The following DRC4 variants were observed in gnomAD, a reference collection of about 807,000 sequenced individuals.
DRC4 encodes dynein regulatory complex subunit 4, also known as GAS-11.
the DRC4 span, chr16:90,036,506 C>T: frequency 1.9e-6 from 3 of 1,613,772 alleles, no homozygotes; most frequent in Non-Finnish European, 2.5e-6. Flanking sequence ...GATGCAGCGC[C>T]ACGAGGAGGC....
At chr16:90,037,247 A>G in the DRC4 span, 3 of 1,611,608 alleles carry the variant, frequency 1.9e-6, no homozygotes, top group Non-Finnish European at 2.5e-6. Context: ...GATGGAGGAC[A>G]TGCGGAAGAA....
At chr16:90,030,005 T>TCCAC in the DRC4 span, 1 of 152,228 alleles carries the variant, frequency 6.6e-6, no homozygotes, top group Non-Finnish European at 1.5e-5. Flanking sequence ...GATCTGCCTG[T>TCCAC]CTCTGCCTCC....
chr16:90,037,310 C>G, the DRC4 span: 1 of 1,614,076 alleles, frequency 6.2e-7, no homozygotes, highest in Non-Finnish European at 8.5e-7. Context: ...GAACAAGCGC[C>G]TGGCAGACCC....
At chr16:90,044,079 G>T in the DRC4 span, 1 of 444,866 alleles carries the variant, frequency 2.2e-6, no homozygotes, top group Non-Finnish European at 4.5e-6. Context: ...CAGCAGCCCA[G>T]ACTGAGGGTC....
the DRC4 span, chr16:90,020,297 G>T: frequency 5.1e-6 from 2 of 389,736 alleles, no homozygotes; most frequent in Non-Finnish European, 4.5e-6. Context: ...AGCTATGATT[G>T]TATGTCTCAA....
At chr16:90,040,615 G>A in the DRC4 span, 13 of 1,143,574 alleles carry the variant, frequency 1.1e-5, no homozygotes, top group Non-Finnish European at 1.6e-5. Flanking sequence ...CCCTCGGTCG[G>A]CCACTGAGGA....
the DRC4 span, among the ~76,000 whole-genome samples, chr16:90,026,896 C>CT: frequency 6.4e-4 from 91 of 142,464 alleles, no homozygotes; most frequent in African/African-American, 7.7e-4. Flanking sequence ...CCTCTCTTTT[C>CT]TTTTTTTTTT....
the DRC4 span, chr16:90,032,893 C>T: frequency 6.2e-7 from 1 of 1,613,746 alleles, no homozygotes; most frequent in Non-Finnish European, 8.5e-7. Flanking sequence ...CAGGAGCTGG[C>T]CAGTGAGGTG....
chr16:90,038,408 C>A, the DRC4 span, among the ~76,000 whole-genome samples: 1 of 152,216 alleles, frequency 6.6e-6, no homozygotes, highest in Non-Finnish European at 1.5e-5. Context: ...GCGGTCTCAT[C>A]CTTTTCACAG....
the DRC4 span, chr16:90,043,570 A>G: frequency 5.0e-6 from 3 of 599,464 alleles, no homozygotes; most frequent in Non-Finnish European, 9.1e-6. Flanking sequence ...CCGCACGTCC[A>G]GCCTGTGTCC....
chr16:90,021,277 C>T, the DRC4 span, among the ~76,000 whole-genome samples: 1 of 152,240 alleles, frequency 6.6e-6, no homozygotes, highest in Admixed American at 6.5e-5. Flanking sequence ...CTTCCTCCCC[C>T]AGCTGGACAG....
chr16:90,043,161 A>G, the DRC4 span: 3 of 1,584,522 alleles, frequency 1.9e-6, no homozygotes, highest in African/African-American at 2.7e-5. Context: ...GAGCGTGGGG[A>G]CCCTCAGCTC....
At chr16:90,020,438 G>C in the DRC4 span, among the ~76,000 whole-genome samples, 1 of 152,246 alleles carries the variant, frequency 6.6e-6, no homozygotes, top group Non-Finnish European at 1.5e-5. Context: ...GTGGGTGGCA[G>C]GAAGCATCAG....
the DRC4 span, chr16:90,032,811 C>A: frequency 6.2e-7 from 1 of 1,613,968 alleles, no homozygotes; most frequent in Non-Finnish European, 8.5e-7. Flanking sequence ...GAAGCTGGCA[C>A]AGAAAGAGCA....
At chr16:90,040,479 A>C in the DRC4 span, 4 of 1,607,382 alleles carry the variant, frequency 2.5e-6, no homozygotes, top group Admixed American at 1.7e-5. Flanking sequence ...TGGACCCTGC[A>C]GCCCTGACGC....
chr16:90,021,274 C>G, the DRC4 span, among the ~76,000 whole-genome samples: 2 of 152,196 alleles, frequency 1.3e-5, no homozygotes, highest in Non-Finnish European at 2.9e-5. Context: ...CAACTTCCTC[C>G]CCCAGCTGGA....
the DRC4 span, chr16:90,037,073 GA>G: frequency 1.5e-6 from 1 of 667,134 alleles, no homozygotes; most frequent in Non-Finnish European, 2.6e-6. Flanking sequence ...TGAAGCTGCA[GA>G]AATACTGTTT....
the DRC4 span, chr16:90,037,122 C>A: frequency 2.7e-6 from 3 of 1,107,998 alleles, no homozygotes; most frequent in Non-Finnish European, 3.8e-6. Context: ...ATGCCTGAGG[C>A]TGGCAGCAGC....
At chr16:90,022,828 G>T in the DRC4 span, 1 of 1,131,732 alleles carries the variant, frequency 8.8e-7, no homozygotes, top group Non-Finnish European at 1.1e-6. Flanking sequence ...GAGGCCTGGA[G>T]CGCTGGGTTT....
Sources: allele counts gnomAD v4.1 joint callset (sites outside exome capture counted in the v4.1 genomes callset), GRCh38; gene constraint gnomAD v4.1.1; transcripts MANE v1.5; gene names NCBI Gene and HGNC (gene_info 2026-07-23, HGNC 2026-07-21).